The following AHCYL2 variants were observed in gnomAD, a reference collection of about 807,000 sequenced individuals.
AHCYL2 encodes the protein S-adenosylhomocysteine hydrolase-like protein 2.
AHCYL2 carries 28 observed loss-of-function variants against 81.4 expected under a neutral mutation model. That is an observed-to-expected ratio of 0.34 (90% confidence interval 0.25 to 0.47). The LOEUF (loss-of-function observed/expected upper bound fraction) is 0.47, where lower values mean the gene tolerates loss of function less well. AHCYL2 is among the 20% of genes least tolerant of loss of function. The pLI, the probability that AHCYL2 is intolerant of heterozygous loss-of-function variation, is 1.00. For missense variants in AHCYL2, 551 were observed against 785.1 expected, an observed-to-expected ratio of 0.70 and a Z score of 3.56; for synonymous variants, 272 against 290.2, an observed-to-expected ratio of 0.94 and a Z score of 0.64.
At chr7:129,284,211 G>A (rs767407478) in intron 1 of AHCYL2, among the ~76,000 whole-genome samples, 16 of 152,238 alleles carry the variant, frequency 1.1e-4, no homozygotes, top group African/African-American at 2.9e-4. Flanking sequence ...GAGTGATTCC[G>A]TAGTTAAGAT....
chr7:129,238,627 GAGGTGAAACCCAAGAGGTTTC>G (rs1368394451), intron 1 of AHCYL2, among the ~76,000 whole-genome samples: 5 of 152,086 alleles, frequency 3.3e-5, no homozygotes, highest in Non-Finnish European at 7.4e-5. Flanking sequence ...CACTGAAATT[GAGGTGAAACCCAAGAGGTTTC>G]ACCATGTGTC....
At chr7:129,366,582 GAC>G (rs1056932321) in intron 1 of AHCYL2, among the ~76,000 whole-genome samples, 2 of 152,094 alleles carry the variant, frequency 1.3e-5, no homozygotes, top group African/African-American at 4.8e-5. Flanking sequence ...AGGAGTTTGA[GAC>G]CAGCCTCAAC....
chr7:129,418,556 C>G (rs571838994), intron 12 of AHCYL2, among the ~76,000 whole-genome samples: 19 of 152,254 alleles, frequency 1.2e-4, no homozygotes, highest in Admixed American at 1.0e-3. Context: ...GCCTCGGCCT[C>G]CCGAAATGCT....
At chr7:129,270,248 C>T (rs1448788896) in intron 1 of AHCYL2, among the ~76,000 whole-genome samples, 2 of 152,164 alleles carry the variant, frequency 1.3e-5, no homozygotes, top group Admixed American at 1.3e-4. Flanking sequence ...ACTGCCTTGA[C>T]ATACGTACCT....
At chr7:129,298,001 C>T (rs1797112970) in intron 1 of AHCYL2, among the ~76,000 whole-genome samples, 1 of 152,194 alleles carries the variant, frequency 6.6e-6, no homozygotes, top group Non-Finnish European at 1.5e-5. Flanking sequence ...TGCATTCCAG[C>T]TTGGGTGACA....
rs755266867 is a variant in AHCYL2 at position 129,389,211 on chromosome 7, A to G, written c.619+12A>G. On this transcript the variant is annotated intron_variant, in intron 3 of 16. Coordinates refer to ENST00000325006, the MANE Select transcript of AHCYL2 (RefSeq NM_015328.4). ...AATTGCTGAACAAGGTAAAGAAAAC[A>G]AGCACCTTTTCCTTCTTAACCTACC... The G allele has an allele frequency of 8.1e-6, 13 of 1,613,838 alleles. No homozygotes were observed. In the South Asian group the frequency reaches 1.3e-4, roughly 16 times the overall value.
At chr7:129,340,763 A>G (rs1793151434) in intron 1 of AHCYL2, among the ~76,000 whole-genome samples, 1 of 152,106 alleles carries the variant, frequency 6.6e-6, no homozygotes, top group African/African-American at 2.4e-5. Flanking sequence ...TTCTATATCT[A>G]TTGAGATCAT....
intron 1 of AHCYL2, among the ~76,000 whole-genome samples, chr7:129,293,171 A>C (rs1004706186): frequency 1.3e-5 from 2 of 152,004 alleles, no homozygotes; most frequent in African/African-American, 4.8e-5. Context: ...GTATCTTTCA[A>C]AGTATGGCAT....
chr7:129,291,462 CT>C (rs1400699445), intron 1 of AHCYL2, among the ~76,000 whole-genome samples: 1 of 149,160 alleles, frequency 6.7e-6, no homozygotes, highest in African/African-American at 2.5e-5. Flanking sequence ...ATCATGCATT[CT>C]TTTACCGGAG....
rs527693725 is a variant in AHCYL2, at chr7:129,324,578, C to T, written c.364-55060C>T. ...TCACCCAGACTGGAGTGCAGTGGCG[C>T]GATCTTGGCTCATTGCAAGCTCTGC... On this transcript the variant is annotated intron_variant, in intron 1 of 16. Transcript: ENST00000325006. Among the ~76,000 whole-genome samples, 89 of 152,230 alleles carry T rather than the reference C, an allele frequency of 5.8e-4. 1 individual carries two copies. Among genetic ancestry groups the T allele is most frequent in the Non-Finnish European group, 3.1e-4 (21 of 68,020 alleles).
rs144896776 is a variant in AHCYL2, at chr7:129,380,941, A to G, written c.475+1192A>G. On this transcript the variant is annotated intron_variant, in intron 2 of 16. Transcript: ENST00000325006. ...TTATTTGTAGAGATGGAATCTCACC[A>G]TGTTGCCCAGGCTGGTCTTGAACTT... 4.0e-3 allele frequency among the ~76,000 whole-genome samples: 602 copies of G among 152,270 alleles called. 3 individuals carry two copies. The highest frequency in any genetic ancestry group is 0.014 in the African/African-American group (577 of 41,540).
chr7:129,363,466 G>C (rs1794003126), intron 1 of AHCYL2, among the ~76,000 whole-genome samples: 1 of 152,012 alleles, frequency 6.6e-6, no homozygotes, highest in Admixed American at 6.5e-5. Flanking sequence ...GTCTATTTTA[G>C]TTAAAACCTA....
At chr7:129,225,773 G>C (rs929726593) in intron 1 of AHCYL2, among the ~76,000 whole-genome samples, 1 of 152,168 alleles carries the variant, frequency 6.6e-6, no homozygotes. Flanking sequence ...CAGCCTATCG[G>C]GGAAGAGACC....
intron 1 of AHCYL2, among the ~76,000 whole-genome samples, chr7:129,227,799 G>A (rs1229032641): frequency 2.0e-5 from 3 of 152,016 alleles, no homozygotes; most frequent in African/African-American, 7.2e-5. Flanking sequence ...GTAAAGCAGG[G>A]CTGAGCTTGC....
chr7:129,405,944 G>T (rs1197655929), intron 9 of AHCYL2, 45 bp downstream of exon 9: 1 of 1,582,294 alleles, frequency 6.3e-7, no homozygotes. Flanking sequence ...AATGGATTTT[G>T]TTGAAATATT....
intron 1 of AHCYL2, among the ~76,000 whole-genome samples, chr7:129,237,660 C>T (rs1794689813): frequency 6.6e-6 from 1 of 151,950 alleles, no homozygotes; most frequent in Admixed American, 6.6e-5. Flanking sequence ...TACAGAGAAA[C>T]TCATCTTCTG....
intron 2 of AHCYL2, among the ~76,000 whole-genome samples, chr7:129,382,192 C>T (rs146702693): frequency 2.0e-5 from 3 of 152,262 alleles, no homozygotes; most frequent in African/African-American, 4.8e-5. Flanking sequence ...TCATGTGCAT[C>T]GAATGAAAAG....
chr7:129,300,568 C>G (rs1584759655), intron 1 of AHCYL2, among the ~76,000 whole-genome samples: 1 of 152,292 alleles, frequency 6.6e-6, no homozygotes, highest in African/African-American at 2.4e-5. Flanking sequence ...TAGGTTGCTT[C>G]CAAATACTGG....
At chr7:129,413,709 A>G (rs756179061) in intron 12 of AHCYL2, 21 bp downstream of exon 12, 61 of 1,603,116 alleles carry the variant, frequency 3.8e-5, no homozygotes, top group Non-Finnish European at 5.0e-5. Context: ...GTAGCTCATT[A>G]TTGGGGGCTT....
Sources: gnomAD v4.1 joint callset for allele counts (sites outside exome capture counted in the v4.1 genomes callset) on GRCh38, gnomAD v4.1.1 for gene constraint, MANE v1.5 for transcripts, NCBI Gene and HGNC (gene_info 2026-07-23, HGNC 2026-07-21) for gene names.